The following XIRP2 variants were observed in gnomAD, a reference collection of about 807,000 sequenced individuals.
The protein encoded by XIRP2 is xin actin-binding repeat-containing protein 2.
Under a neutral mutation model 277.0 loss-of-function variants are expected in XIRP2, and 236 were observed. That is an observed-to-expected ratio of 0.85 (90% CI 0.77 to 0.95). The LOEUF is 0.95. XIRP2 is among the 40% of genes least tolerant of loss of function. The pLI is 0.00. For missense variants in XIRP2, 4,640 were observed against 4,157.5 expected, an observed-to-expected ratio of 1.12 and a Z score of -3.19; for synonymous variants, 1,490 against 1,416.5, an observed-to-expected ratio of 1.05 and a Z score of -1.17.
intron 2 of XIRP2, among the ~76,000 whole-genome samples, chr2:167,058,061 T>C (rs1689083588): frequency 6.7e-6 from 1 of 150,292 alleles, no homozygotes; most frequent in Admixed American, 6.7e-5. Flanking sequence ...TTTATTTTAT[T>C]TTATTTTATT....
intron 2 of XIRP2, among the ~76,000 whole-genome samples, chr2:166,912,003 G>A (rs1369001680): frequency 6.6e-6 from 1 of 152,220 alleles, no homozygotes; most frequent in African/African-American, 2.4e-5. Context: ...GCTTCACTTT[G>A]TGAGTAACCC....
intron 2 of XIRP2, among the ~76,000 whole-genome samples, chr2:167,061,532 T>G (rs1205216418): frequency 6.6e-6 from 1 of 152,174 alleles, no homozygotes; most frequent in Non-Finnish European, 1.5e-5. Flanking sequence ...TTGTGTCTTC[T>G]AAAAAGATAT....
intron 2 of XIRP2, among the ~76,000 whole-genome samples, chr2:167,018,174 C>T (rs1687882643): frequency 6.6e-6 from 1 of 152,010 alleles, no homozygotes; most frequent in South Asian, 2.1e-4. Flanking sequence ...ATTGTTGCCC[C>T]TGTATTTTTT....
At chr2:166,926,280 C>G (rs1320450811) in intron 2 of XIRP2, among the ~76,000 whole-genome samples, 1 of 152,040 alleles carries the variant, frequency 6.6e-6, no homozygotes, top group Non-Finnish European at 1.5e-5. Flanking sequence ...TACCTACCCT[C>G]CTTCATTATT....
intron 2 of XIRP2, among the ~76,000 whole-genome samples, chr2:166,969,753 G>T (rs1367868618): frequency 7.0e-6 from 1 of 142,582 alleles, no homozygotes; most frequent in Non-Finnish European, 1.5e-5. Flanking sequence ...CCTTTGGGAG[G>T]AAAAAAAAAA....
At chr2:167,148,867 A>C (rs1339323929) in intron 3 of XIRP2, among the ~76,000 whole-genome samples, 1 of 152,190 alleles carries the variant, frequency 6.6e-6, no homozygotes, top group Non-Finnish European at 1.5e-5. Flanking sequence ...AAGTGAAAGT[A>C]CAATTTTAGG....
Position 167,251,928 on chromosome 2 carries a change from G to A in XIRP2, c.10536G>A (p.Glu3512=). The change falls in exon 9 of 11, where the codon GAG becomes GAA. Residue 3512 remains glutamate, a synonymous_variant. Coordinates refer to ENST00000409195, the MANE Select transcript of XIRP2 (RefSeq NM_152381.6). ...CTGAGATGAGAACCACCTTCCAAGA[G>A]GAATCTGCATTTATAAGTGGTAAAT... The part of the protein sequence containing the change: ...SATEMRTTFQ[E]ESAFISEAAA... 6.4e-7 allele frequency: 1 copy of A among 1,559,604 alleles called. No homozygotes were observed.
chr2:167,232,482 A>T (rs1694788456), intron 5 of XIRP2, among the ~76,000 whole-genome samples: 1 of 151,846 alleles, frequency 6.6e-6, no homozygotes, highest in African/African-American at 2.4e-5. Context: ...CTTCTTCTTT[A>T]GTTTCTGGAC....
chr2:167,108,294 GC>G (rs1239815707), intron 2 of XIRP2, among the ~76,000 whole-genome samples: 1 of 151,692 alleles, frequency 6.6e-6, no homozygotes, highest in African/African-American at 2.4e-5. Flanking sequence ...CAATGAACTA[GC>G]TTTTTTGTTT....
intron 3 of XIRP2, among the ~76,000 whole-genome samples, chr2:167,184,311 C>A (rs1359281505): frequency 1.3e-5 from 2 of 152,150 alleles, no homozygotes; most frequent in East Asian, 1.9e-4. Context: ...CTGTTACCAG[C>A]CCTCCTCAGA....
chr2:166,967,238 AG>A (rs1686457639), intron 2 of XIRP2, among the ~76,000 whole-genome samples: 1 of 151,924 alleles, frequency 6.6e-6, no homozygotes, highest in South Asian at 2.1e-4. Context: ...TTTTAGAAGA[AG>A]ATAGACTCAC....
intron 2 of XIRP2, among the ~76,000 whole-genome samples, chr2:166,960,302 A>G (rs528690084): frequency 6.6e-6 from 1 of 151,882 alleles, no homozygotes; most frequent in Admixed American, 6.6e-5. Context: ...GAAAGCCCAA[A>G]GAGTAAGTAG....
rs754516318 is a variant in XIRP2, at chr2:167,244,202, T to G, written c.2810T>G (p.Leu937Arg). 6.2e-7 allele frequency: 1 copy of G among 1,613,348 alleles called. No individual in the cohort carries two copies. ...DKKEYTRTVK[L>R]EEVDRGDVKN... ...AAGGAGTACACACGAACAGTGAAAC[T>G]TGAAGAAGTTGACAGAGGAGATGTG... Residue 937 changes from leucine (L) to arginine (R), a missense_variant, in exon 9 of 11, where the codon CTT becomes CGT. Transcript: ENST00000409195.
At chr2:167,163,426 A>G (rs1692427257) in intron 3 of XIRP2, among the ~76,000 whole-genome samples, 1 of 152,162 alleles carries the variant, frequency 6.6e-6, no homozygotes, top group Non-Finnish European at 1.5e-5. Context: ...ATGATATTGA[A>G]CATTTTTCAT....
At chr2:167,252,226 G>C (rs1695533029) in intron 9 of XIRP2, among the ~76,000 whole-genome samples, 1 of 151,898 alleles carries the variant, frequency 6.6e-6, no homozygotes, top group South Asian at 2.1e-4. Flanking sequence ...TAAGGCTTTG[G>C]ATAAAGCAAC....
chr2:167,092,793 G>T (rs1690183860), intron 2 of XIRP2, among the ~76,000 whole-genome samples: 1 of 152,050 alleles, frequency 6.6e-6, no homozygotes. Flanking sequence ...GATTATTTGT[G>T]AGTTGTAGAG....
At chr2:167,212,794 G>A (rs1368789800) in intron 4 of XIRP2, among the ~76,000 whole-genome samples, 2 of 152,080 alleles carry the variant, frequency 1.3e-5, no homozygotes, top group East Asian at 3.9e-4. Flanking sequence ...AGAAAGAAGA[G>A]CACATATATT....
intron 2 of XIRP2, among the ~76,000 whole-genome samples, chr2:166,948,851 CG>C (rs1642087744): frequency 6.6e-6 from 1 of 152,000 alleles, no homozygotes; most frequent in South Asian, 2.1e-4. Flanking sequence ...TTGAAAAACA[CG>C]GTTTTGTACA....
chr2:167,039,575 A>G (rs1026121029), intron 2 of XIRP2, among the ~76,000 whole-genome samples: 5 of 152,208 alleles, frequency 3.3e-5, no homozygotes, highest in African/African-American at 4.8e-5. Context: ...GTACACACAC[A>G]CAAACACATA....
Sources: allele counts gnomAD v4.1 joint callset (sites outside exome capture counted in the v4.1 genomes callset), GRCh38; gene constraint gnomAD v4.1.1; transcripts MANE v1.5; gene names NCBI Gene and HGNC (gene_info 2026-07-23, HGNC 2026-07-21).